The following MGAT5B variants were observed in gnomAD, a reference collection of about 807,000 sequenced individuals.
The protein encoded by MGAT5B is alpha-1,6-mannosylglycoprotein 6-beta-N-acetylglucosaminyltransferase B.
MGAT5B carries 54 observed loss-of-function variants against 95.1 expected under a neutral mutation model. The observed-to-expected ratio is 0.57, with a 90% CI of 0.46 to 0.71. The LOEUF (loss-of-function observed/expected upper bound fraction) is 0.71. MGAT5B is among the 30% of genes least tolerant of loss of function. The pLI, the probability that MGAT5B is intolerant of heterozygous loss-of-function variation, is 0.00. For synonymous variants in MGAT5B, 464 were observed against 451.0 expected (o/e 1.03, Z -0.36); for missense variants, 935 against 1,088.6 (o/e 0.86, Z 1.99).
chr17:76,927,116 C>T (rs1382126635), intron 10 of MGAT5B, among the ~76,000 whole-genome samples: 1 of 152,092 alleles, frequency 6.6e-6, no homozygotes, highest in Non-Finnish European at 1.5e-5. Flanking sequence ...AGCAGGCAGG[C>T]AGTGGGAACA....
intron 2 of MGAT5B, among the ~76,000 whole-genome samples, chr17:76,873,523 T>C (rs1967078746): frequency 1.3e-5 from 2 of 152,212 alleles, no homozygotes; most frequent in South Asian, 4.1e-4. Context: ...GCTGTGTGCC[T>C]TTGGCTGAGT....
chr17:76,882,719 T>G (rs979031257), intron 3 of MGAT5B, among the ~76,000 whole-genome samples: 9 of 148,702 alleles, frequency 6.1e-5, no homozygotes, highest in Non-Finnish European at 1.2e-4. Context: ...TTTTTTTTTT[T>G]TTTTTTTTTG....
At chr17:76,946,956 C>T (rs769822318) in intron 16 of MGAT5B, among the ~76,000 whole-genome samples, 2 of 152,376 alleles carry the variant, frequency 1.3e-5, no homozygotes, top group Admixed American at 6.5e-5. Context: ...CCAAGGAGTA[C>T]ACTCCTTCTC....
intron 3 of MGAT5B, among the ~76,000 whole-genome samples, chr17:76,895,694 T>A (rs1046071227): frequency 1.3e-5 from 2 of 152,086 alleles, no homozygotes; most frequent in Non-Finnish European, 2.9e-5. Flanking sequence ...AGAGACCCAC[T>A]TCACTCCAGT....
At chr17:76,947,613 A>G (rs1369987376) in intron 16 of MGAT5B, among the ~76,000 whole-genome samples, 1 of 152,188 alleles carries the variant, frequency 6.6e-6, no homozygotes, top group Non-Finnish European at 1.5e-5. Flanking sequence ...CCCTGGGCGG[A>G]TGCCGTGACC....
chr17:76,902,881 G>A (rs1968369257), intron 4 of MGAT5B, among the ~76,000 whole-genome samples: 1 of 152,162 alleles, frequency 6.6e-6, no homozygotes, highest in South Asian at 2.1e-4. Context: ...GGACAGAGGA[G>A]GTCCCTGGAG....
chr17:76,922,618 C>T (rs1969153890), intron 8 of MGAT5B, among the ~76,000 whole-genome samples: 1 of 152,130 alleles, frequency 6.6e-6, no homozygotes, highest in Admixed American at 6.6e-5. Context: ...TGTGATGGCT[C>T]CAGACCCCTG....
Position 76,930,497 on chromosome 17 carries a change from G to A in MGAT5B, c.1292-2148G>A, listed in dbSNP as rs553964008. ...TCACTCACCATAGCCCCTTCCGTGC[G>A]GGAAGGTAGATTAAATATCCTTGGA... On this transcript the variant is annotated intron_variant, in intron 10 of 17. Transcript: ENST00000569840. The surrounding 1 kb of genome is among the most constrained non-coding windows in gnomAD (Gnocchi z 4.1). 3.9e-4 allele frequency among the ~76,000 whole-genome samples: 59 copies of A among 152,244 alleles called. No homozygotes were observed. The highest frequency in any genetic ancestry group is 1.4e-3 in the African/African-American group (58 of 41,524).
At chr17:76,913,974 G>A (rs953081959) in intron 8 of MGAT5B, 35 of 352,678 alleles carry the variant, frequency 9.9e-5, no homozygotes, top group African/African-American at 4.3e-4. Flanking sequence ...AGCCAAGTGC[G>A]CCTGTGGTCC....
chr17:76,879,247 C>T (rs746692501), intron 2 of MGAT5B, among the ~76,000 whole-genome samples: 83 of 152,068 alleles, frequency 5.5e-4, no homozygotes, highest in Non-Finnish European at 1.0e-3. Context: ...AGAGTGGGAC[C>T]AGTAGTGCAG....
chr17:76,908,300 G>T, intron 8 of MGAT5B, among the ~76,000 whole-genome samples: 1 of 137,736 alleles, frequency 7.3e-6, no homozygotes, highest in African/African-American at 2.8e-5. Flanking sequence ...TTTCAGATAG[G>T]GCCTCGCTCT....
intron 10 of MGAT5B, among the ~76,000 whole-genome samples, chr17:76,927,179 T>C (rs7207955): frequency 6.6e-6 from 1 of 152,024 alleles, no homozygotes. Flanking sequence ...AAATGCAGGA[T>C]TGGGCTTGGC....
At position 76,918,269 on chromosome 17, in the gene MGAT5B, G is replaced by C. The variant is rs1453871866; in HGVS notation, c.1026-6697G>C. 6.6e-6 allele frequency among the ~76,000 whole-genome samples: 1 copy of C among 152,062 alleles called. No homozygotes were observed. Among genetic ancestry groups the C allele is most frequent in the Admixed American group, 6.5e-5 (1 of 15,276 alleles). On this transcript the variant is annotated intron_variant, in intron 8 of 17. Coordinates refer to ENST00000569840, the MANE Select transcript of MGAT5B (RefSeq NM_001199172.2). The surrounding 1 kb of genome is among the most constrained non-coding windows in gnomAD (Gnocchi z 5.1). ...GCTTCGGCTAAAGAGCACCCAGACT[G>C]TGCCTCCATCTGCCTTTGGACTCCC...
rs1243628811 is a variant in MGAT5B at position 76,940,155 on chromosome 17, C to T, written c.1585-247C>T. 1.3e-5 allele frequency among the ~76,000 whole-genome samples: 2 copies of T among 152,128 alleles called. No homozygotes were observed. Among genetic ancestry groups the T allele is most frequent in the African/African-American group, 4.8e-5 (2 of 41,410 alleles). Reference sequence around the variant, plus strand: ...ACCATTGATAATACCTAATTAGACCCCCTTATTTCACAAATGGGGAAACTG... The same window carrying T: ...ACCATTGATAATACCTAATTAGACCTCCTTATTTCACAAATGGGGAAACTG... On this transcript the variant is annotated intron_variant, in intron 13 of 17. Coordinates refer to ENST00000569840, the MANE Select transcript of MGAT5B (RefSeq NM_001199172.2). This position sits in a 1 kb window ranked among gnomAD's most constrained non-coding sequence, Gnocchi z 4.3.
In MGAT5B at chr17:76,950,204, T is replaced by C. The variant is rs8074685; in HGVS notation, c.*1366T>C. Reference sequence around the variant, plus strand: ...TGGAGGGGCCAGGCTGGACGCTTCCTGTGGGAGTCCCCTCCAGACCTGGCT... The same window carrying C: ...TGGAGGGGCCAGGCTGGACGCTTCCCGTGGGAGTCCCCTCCAGACCTGGCT... On this transcript the variant is annotated 3_prime_UTR_variant, in exon 18 of 18. Transcript: ENST00000569840. 43,983 of 152,494 alleles carry C rather than the reference T, an allele frequency of 0.29. 6,778 individuals carry two copies. The highest frequency in any genetic ancestry group is 0.36 in the African/African-American group (14,943 of 41,458). The allele number at this position is 152,494 out of a possible 1,614,324, so 9.4% of individuals were successfully genotyped here. A position where few individuals can be genotyped will look rare whatever the true frequency, so the allele number is the denominator to read the frequency against.
At chr17:76,910,051 G>A (rs866649212) in intron 8 of MGAT5B, among the ~76,000 whole-genome samples, 1 of 152,136 alleles carries the variant, frequency 6.6e-6, no homozygotes, top group African/African-American at 2.4e-5. Context: ...CCTTGAAATA[G>A]CAGGTCCAGG....
At chr17:76,933,369 G>A in intron 12 of MGAT5B, 72 bp downstream of exon 12, 2 of 1,574,670 alleles carry the variant, frequency 1.3e-6, no homozygotes, top group Non-Finnish European at 1.7e-6. Context: ...CACTCCAGGG[G>A]TCTCTCCTTG....
intron 3 of MGAT5B, among the ~76,000 whole-genome samples, chr17:76,893,113 T>C (rs980173379): frequency 2.0e-5 from 3 of 152,106 alleles, no homozygotes; most frequent in Non-Finnish European, 4.4e-5. Flanking sequence ...TGTTCTTCCC[T>C]GTGGCCCTTG....
intron 3 of MGAT5B, among the ~76,000 whole-genome samples, chr17:76,900,131 G>A (rs549090353): frequency 2.4e-4 from 36 of 152,232 alleles, no homozygotes; most frequent in African/African-American, 7.9e-4. Flanking sequence ...CCTGCCCAGG[G>A]TCACATAGCT....
Sources: allele counts gnomAD v4.1 joint callset (sites outside exome capture counted in the v4.1 genomes callset), GRCh38; gene constraint gnomAD v4.1.1; non-coding constraint Gnocchi (gnomAD v3.1); transcripts MANE v1.5; gene names NCBI Gene and HGNC (gene_info 2026-07-23, HGNC 2026-07-21).